CDO1: variants seen among roughly 807,000 people sequenced by gnomAD.
CDO1 encodes cysteine dioxygenase, type I.
In CDO1, 19 loss-of-function variants were observed where a neutral mutation model predicts 24.5. The ratio of observed to expected loss-of-function variants is 0.77; its 90% confidence interval spans 0.54 to 1.14. CDO1 has a LOEUF of 1.14. Ranked by LOEUF, CDO1 falls within the 50% of genes most tolerant of loss-of-function variation. CDO1 has a pLI of 0.00. For synonymous variants in CDO1, 91 were observed against 87.0 expected (o/e 1.05, Z -0.26); for missense variants, 244 against 244.8 (o/e 1.00, Z 0.02).
In CDO1 at chr5:115,806,420, C is replaced by A; in HGVS notation, c.502G>T (p.Asp168Tyr). 6.2e-7 allele frequency: 1 copy of A among 1,611,884 alleles called. No homozygotes were observed. Among genetic ancestry groups the A allele is most frequent in the Non-Finnish European group, 8.5e-7 (1 of 1,179,216 alleles). ...SPPFDTCHAF[D>Y]QRTGHKNKVT... ...TTGTTTTTATGTCCTGTTCTTTGAT[C>A]AAAGGCATGGCATGTATCAAAAGGT... Residue 168 changes from aspartate to tyrosine, a missense_variant, in exon 4 of 5, where the codon GAT (aspartate) becomes TAT (tyrosine). Coordinates refer to ENST00000250535, the MANE Select transcript of CDO1 (RefSeq NM_001801.3).
At chr5:115,805,554 A>G (rs912594358) in intron 4 of CDO1, 92 bp from the exon 5 acceptor site, 23 of 1,208,868 alleles carry the variant, frequency 1.9e-5, no homozygotes, top group Non-Finnish European at 2.8e-5. Context: ...GTAGCAGTGT[A>G]TGAAAACTCA....
At position 115,805,323 on chromosome 5, in the gene CDO1, G is replaced by C; in HGVS notation, c.*110C>G. Reference sequence around the variant, plus strand: ...AGCATCTGCCTTACAGTAGATCTAAGTATTGGCTTATTTAAGTATATTACT... The same window carrying C: ...AGCATCTGCCTTACAGTAGATCTAACTATTGGCTTATTTAAGTATATTACT... On this transcript the variant is annotated 3_prime_UTR_variant, in exon 5 of 5. Transcript: ENST00000250535. 1 of 889,466 alleles carries C rather than the reference G, an allele frequency of 1.1e-6. No homozygotes were observed. Among genetic ancestry groups the C allele is most frequent in the Non-Finnish European group, 1.8e-6 (1 of 555,668 alleles). 55.1% of individuals were successfully genotyped at this position (889,466 alleles called of 1,614,324 possible). A position where few individuals can be genotyped will look rare whatever the true frequency, so the allele number is the denominator to read the frequency against.
intron 3 of CDO1, among the ~76,000 whole-genome samples, chr5:115,810,816 T>C (rs890754142): frequency 1.1e-4 from 17 of 152,204 alleles, no homozygotes; most frequent in Non-Finnish European, 2.5e-4. Flanking sequence ...TTACAGAACA[T>C]TTTGTTCTAT....
chr5:115,806,636 A>G, intron 3 of CDO1, 118 bp from the exon 4 acceptor site: 2 of 732,200 alleles, frequency 2.7e-6, no homozygotes, highest in Non-Finnish European at 4.4e-6. Context: ...AATAGATATT[A>G]ATTAGAATTG....
intron 3 of CDO1, among the ~76,000 whole-genome samples, chr5:115,810,203 A>G (rs1162416070): frequency 6.6e-6 from 1 of 152,196 alleles, no homozygotes; most frequent in Non-Finnish European, 1.5e-5. Flanking sequence ...TATTTGGGTA[A>G]ATGAATCAGA....
chr5:115,806,479 G>A lies in CDO1; in HGVS notation c.443C>T (p.Thr148Met), dbSNP rs536229174. 35 of 1,610,614 alleles carry A rather than the reference G, an allele frequency of 2.2e-5. No individual in the cohort carries two copies. The highest frequency in any genetic ancestry group is 2.0e-4 in the Admixed American group (12 of 59,186). The change falls in exon 4 of 5, where the codon ACG becomes ATG. Residue 148 changes from threonine to methionine, a missense_variant. By Grantham distance (81) the Thr-to-Met change is moderately conservative. Coordinates refer to ENST00000250535, the MANE Select transcript of CDO1 (RefSeq NM_001801.3). ...CAAGTGAAGGCTCACAGCAGGTTCC[G>A]TATGGCTGATGTTCTCTACTCGATG... Reference protein sequence around the residue: ...GLHRVENISHTEPAVSLHLYS... With the variant: ...GLHRVENISHMEPAVSLHLYS...
Position 115,805,436 on chromosome 5 carries a change from G to C in CDO1, c.600C>G (p.Asn200Lys). 6.2e-7 allele frequency: 1 copy of C among 1,613,916 alleles called. No homozygotes were observed. Among genetic ancestry groups the C allele is most frequent in the Non-Finnish European group, 8.5e-7 (1 of 1,179,904 alleles). ...PNATSGSLEN[N>K] ...ACCTCAGAGGGTTTGGTGCCCCTTA[G>C]TTGTTCTCCAGCGAGCCCGAAGTTG... The change falls in exon 5 of 5, where the codon AAC becomes AAG. Residue 200 changes from asparagine (N) to lysine (K), a missense_variant. Asn to Lys is a moderately conservative substitution (Grantham distance 94). Coordinates refer to ENST00000250535, the MANE Select transcript of CDO1 (RefSeq NM_001801.3).
intron 3 of CDO1, among the ~76,000 whole-genome samples, chr5:115,807,837 G>A (rs1293706377): frequency 1.3e-5 from 2 of 152,062 alleles, no homozygotes; most frequent in African/African-American, 4.8e-5. Flanking sequence ...CCAGCACAAT[G>A]AATGAGTCAT....
At chr5:115,806,647 A>G in intron 3 of CDO1, 129 bp from the exon 4 acceptor site, 1 of 694,604 alleles carries the variant, frequency 1.4e-6, no homozygotes, top group South Asian at 1.9e-5. Context: ...ATTAGAATTG[A>G]ACTTGCAGTT....
chr5:115,805,488 C>T, intron 4 of CDO1, 26 bp from the exon 5 acceptor site: 1 of 1,611,844 alleles, frequency 6.2e-7, no homozygotes, highest in Non-Finnish European at 8.5e-7. Context: ...AAAAAGAAAG[C>T]TGTGTAAGAA....
intron 3 of CDO1, 116 bp from the exon 4 acceptor site, chr5:115,806,634 T>G (rs1024229129): frequency 1.4e-5 from 10 of 731,618 alleles, no homozygotes; most frequent in Admixed American, 6.8e-5. Context: ...GGAATAGATA[T>G]TAATTAGAAT....
chr5:115,807,551 A>G (rs573729837), intron 3 of CDO1, among the ~76,000 whole-genome samples: 1 of 152,272 alleles, frequency 6.6e-6, no homozygotes, highest in East Asian at 1.9e-4. Flanking sequence ...AATAAGAGAA[A>G]ATACCATAAA....
chr5:115,805,511 A>T, intron 4 of CDO1, 49 bp from the exon 5 acceptor site: 1 of 1,540,802 alleles, frequency 6.5e-7, no homozygotes. Flanking sequence ...TTTACAAAAG[A>T]CATTTTAACT....
intron 2 of CDO1, 43 bp from the exon 3 acceptor site, chr5:115,811,358 A>G: frequency 6.7e-7 from 1 of 1,481,916 alleles, no homozygotes; most frequent in Non-Finnish European, 9.4e-7. Context: ...TAGATGGTCT[A>G]GTATCCAGAC....
chr5:115,816,436 G>A lies in CDO1; in HGVS notation c.-39C>T, dbSNP rs762236094. On this transcript the variant is annotated 5_prime_UTR_variant, in exon 1 of 5. Transcript: ENST00000250535. The stretch of plus-strand genomic sequence containing the variant: ...GGCTGCGCGCGCGTCTCACTGCTGG[G>A]CTGCGGTGGAGGAGCTGAGCGAGCC... 3.1e-6 allele frequency: 5 copies of A among 1,605,288 alleles called. No individual in the cohort carries two copies. The South Asian group carries it at 5.5e-5, about 18-fold the overall frequency.
chr5:115,816,453 G>C lies in CDO1; in HGVS notation c.-56C>G. 1.9e-6 allele frequency: 3 copies of C among 1,592,786 alleles called. No homozygotes were observed. Among genetic ancestry groups the C allele is most frequent in the Non-Finnish European group, 1.7e-6 (2 of 1,171,012 alleles). The stretch of plus-strand genomic sequence containing the variant: ...ACTGCTGGGCTGCGGTGGAGGAGCT[G>C]AGCGAGCCAAGGAGCTGGGGGCGAG... On this transcript the variant is annotated 5_prime_UTR_variant, in exon 1 of 5. Coordinates refer to ENST00000250535, the MANE Select transcript of CDO1 (RefSeq NM_001801.3).
intron 3 of CDO1, among the ~76,000 whole-genome samples, chr5:115,808,055 T>C (rs1314908063): frequency 3.9e-5 from 6 of 152,126 alleles, no homozygotes; most frequent in East Asian, 1.9e-4. Flanking sequence ...TCTTGGCTCA[T>C]TGTAGCCTCC....
chr5:115,812,910 G>A (rs888555783), intron 2 of CDO1, among the ~76,000 whole-genome samples: 2 of 151,786 alleles, frequency 1.3e-5, no homozygotes, highest in Non-Finnish European at 2.9e-5. Context: ...AGCCAGGCAT[G>A]GTGGTGCATA....
intron 2 of CDO1, among the ~76,000 whole-genome samples, chr5:115,812,800 C>A (rs1024584641): frequency 6.6e-6 from 1 of 151,988 alleles, no homozygotes; most frequent in African/African-American, 2.4e-5. Context: ...GTAATCCCAG[C>A]ACTTTGGGAT....
Sources: gnomAD v4.1 joint callset for allele counts (sites outside exome capture counted in the v4.1 genomes callset) on GRCh38, gnomAD v4.1.1 for gene constraint, MANE v1.5 for transcripts, NCBI Gene and HGNC (gene_info 2026-07-23, HGNC 2026-07-21) for gene names.